GATA4: variants seen among roughly 807,000 people sequenced by gnomAD.
GATA4 encodes GATA binding protein 4, also known as transcription factor GATA-4.
Under a neutral mutation model 37.9 loss-of-function variants are expected in GATA4, and 7 were observed. The observed-to-expected ratio is 0.18, with a 90% confidence interval of 0.11 to 0.35. The LOEUF (loss-of-function observed/expected upper bound fraction) is 0.35. Ranked by LOEUF, GATA4 falls within the 10% of genes least tolerant of loss-of-function variation. The probability of loss-of-function intolerance (pLI) is 1.00; values close to 1 mark genes in which losing one functional copy is unlikely to be tolerated. For missense variants in GATA4, 647 were observed against 653.0 expected, an observed-to-expected ratio of 0.99 and a Z score of 0.10; for synonymous variants, 372 against 292.6, an observed-to-expected ratio of 1.27 and a Z score of -2.77.
chr8:11,734,102 C>T lies in GATA4; in HGVS notation c.617-14814C>T, dbSNP rs530541428. 5.4e-4 allele frequency among the ~76,000 whole-genome samples: 82 copies of T among 152,264 alleles called. 2 individuals carry two copies. Among genetic ancestry groups the T allele is most frequent in the Non-Finnish European group, 1.5e-4 (10 of 68,034 alleles). ...TGTTACAGCATAACAGCTTAAACAG[C>T]ACCAAACCAAGCATAAGTGTTTTAT... On this transcript the variant is annotated intron_variant, in intron 2 of 6. Coordinates refer to ENST00000532059, the MANE Select transcript of GATA4 (RefSeq NM_001308093.3).
intron 2 of GATA4, among the ~76,000 whole-genome samples, chr8:11,747,063 G>T (rs1015866264): frequency 2.6e-4 from 40 of 152,154 alleles, no homozygotes; most frequent in African/African-American, 9.7e-4. Flanking sequence ...TCCCGAGCTG[G>T]GTCCTGTTGG....
intron 2 of GATA4, among the ~76,000 whole-genome samples, chr8:11,730,834 C>A (rs551201230): frequency 1.1e-4 from 16 of 152,346 alleles, no homozygotes; most frequent in African/African-American, 3.8e-4. Flanking sequence ...CACAGAAGGC[C>A]CGAGGCTGGC....
At chr8:11,730,544 G>T (rs538500290) in intron 2 of GATA4, among the ~76,000 whole-genome samples, 5 of 152,234 alleles carry the variant, frequency 3.3e-5, no homozygotes, top group Non-Finnish European at 7.3e-5. Context: ...TGGCCTCCAC[G>T]TAGGGGCCTG....
At chr8:11,710,684 G>A (rs1254541570) in intron 2 of GATA4, among the ~76,000 whole-genome samples, 4 of 71,098 alleles carry the variant, frequency 5.6e-5, no homozygotes, top group African/African-American at 2.2e-4. Flanking sequence ...ACAAGACTAC[G>A]TCTCAAAAAA....
chr8:11,693,767 C>T (rs1265167322), intron 1 of GATA4, among the ~76,000 whole-genome samples: 1 of 152,134 alleles, frequency 6.6e-6, no homozygotes, highest in Admixed American at 6.5e-5. Flanking sequence ...CAAATGGGCA[C>T]TCCGCAGGTC....
chr8:11,695,248 A>G (rs1478252559), intron 1 of GATA4, among the ~76,000 whole-genome samples: 5 of 152,132 alleles, frequency 3.3e-5, no homozygotes, highest in Non-Finnish European at 1.5e-5. Context: ...TCTATTAAAA[A>G]TACAAAAATT....
At chr8:11,722,464 A>G (rs1488119250) in intron 2 of GATA4, among the ~76,000 whole-genome samples, 2 of 152,156 alleles carry the variant, frequency 1.3e-5, no homozygotes, top group African/African-American at 4.8e-5. Context: ...TCAATTTCCC[A>G]GTTTGTCTAA....
At chr8:11,751,881 A>G (rs1419928428) in intron 4 of GATA4, among the ~76,000 whole-genome samples, 1 of 152,236 alleles carries the variant, frequency 6.6e-6, no homozygotes, top group Non-Finnish European at 1.5e-5. Context: ...CTATTAACTT[A>G]GTGGTATTTT....
At chr8:11,738,744 G>T (rs934782056) in intron 2 of GATA4, among the ~76,000 whole-genome samples, 1 of 152,222 alleles carries the variant, frequency 6.6e-6, no homozygotes, top group Non-Finnish European at 1.5e-5. Flanking sequence ...CGGGGCTGTA[G>T]CATGTCACAC....
At chr8:11,757,245 G>T (rs942247988) in intron 6 of GATA4, among the ~76,000 whole-genome samples, 162 bp downstream of exon 6, 14 of 152,240 alleles carry the variant, frequency 9.2e-5, no homozygotes, top group Non-Finnish European at 1.9e-4. Flanking sequence ...GCTGTGTGGT[G>T]CCCTCAGGGC....
chr8:11,749,487 A>T lies in GATA4; in HGVS notation c.786+402A>T, dbSNP rs530878594. ...AGAGGCTGGTCTCTACCCTGACCTC[A>T]GTTGATCAGTTGATAAATCCCAAAG... On this transcript the variant is annotated intron_variant, in intron 3 of 6. Coordinates refer to ENST00000532059, the MANE Select transcript of GATA4 (RefSeq NM_001308093.3). This position sits in a 1 kb window ranked among gnomAD's most constrained non-coding sequence, Gnocchi z 4.6. Among the ~76,000 whole-genome samples, 14 of 152,314 alleles carry T rather than the reference A, an allele frequency of 9.2e-5. No individual in the cohort carries two copies. Among genetic ancestry groups the T allele is most frequent in the Admixed American group, 3.9e-4 (6 of 15,302 alleles).
At chr8:11,719,068 G>A (rs1161692904) in intron 2 of GATA4, among the ~76,000 whole-genome samples, 4 of 152,192 alleles carry the variant, frequency 2.6e-5, no homozygotes, top group African/African-American at 9.7e-5. Context: ...AATTGAGCTG[G>A]GAAATGGCAA....
upstream of GATA4, among the ~76,000 whole-genome samples, chr8:11,703,315 T>G (rs1799749269): frequency 6.6e-6 from 1 of 152,160 alleles, no homozygotes; most frequent in African/African-American, 2.4e-5. Context: ...TTTAGACCTG[T>G]CTGAGGGACT....
chr8:11,745,479 G>C (rs1319725368), intron 2 of GATA4, among the ~76,000 whole-genome samples: 2 of 151,672 alleles, frequency 1.3e-5, no homozygotes, highest in East Asian at 3.9e-4. Flanking sequence ...CCAGATACTT[G>C]GGAGGCTGAG....
At chr8:11,742,095 C>A (rs996857603) in intron 2 of GATA4, among the ~76,000 whole-genome samples, 1 of 152,170 alleles carries the variant, frequency 6.6e-6, no homozygotes, top group African/African-American at 2.4e-5. Flanking sequence ...CTCCCACGCT[C>A]ACCCTACTAT....
At chr8:11,746,569 C>G (rs1222797517) in intron 2 of GATA4, among the ~76,000 whole-genome samples, 1 of 152,244 alleles carries the variant, frequency 6.6e-6, no homozygotes, top group Admixed American at 6.5e-5. Flanking sequence ...GCGCCCGCCT[C>G]TTGCTGTGGA....
chr8:11,745,411 CAAAAAAAAAAA>C (rs3030049), intron 2 of GATA4, among the ~76,000 whole-genome samples: 2 of 104,054 alleles, frequency 1.9e-5, no homozygotes, highest in Non-Finnish European at 1.8e-5. Flanking sequence ...TTGTCTCTAC[CAAAAAAAAAAA>C]AAAAAAAAAA....
chr8:11,735,626 A>C (rs1190129833), intron 2 of GATA4, among the ~76,000 whole-genome samples: 1 of 152,104 alleles, frequency 6.6e-6, no homozygotes, highest in Non-Finnish European at 1.5e-5. Flanking sequence ...GCAATGGTGC[A>C]ATCTCGGCTC....
Position 11,709,151 on chromosome 8 carries a change from C to T in GATA4, c.616+223C>T, listed in dbSNP as rs1800048242. On this transcript the variant is annotated intron_variant, in intron 2 of 6. Transcript: ENST00000532059. This position sits in a 1 kb window ranked among gnomAD's most constrained non-coding sequence, Gnocchi z 4.3. ...AGGGGCCGGGCCTGCCCGCCGGGGC[C>T]TCTTCTGAGATGGTGTCAGGGTCGG... 6.6e-6 allele frequency among the ~76,000 whole-genome samples: 1 copy of T among 152,218 alleles called. No homozygotes were observed. The highest frequency in any genetic ancestry group is 2.4e-5 in the African/African-American group (1 of 41,474).
Sources: allele counts gnomAD v4.1 joint callset (sites outside exome capture counted in the v4.1 genomes callset), GRCh38; gene constraint gnomAD v4.1.1; non-coding constraint Gnocchi (gnomAD v3.1); transcripts MANE v1.5; gene names NCBI Gene and HGNC (gene_info 2026-07-23, HGNC 2026-07-21).